The following FHOD3 variants were observed in gnomAD, a reference collection of about 807,000 sequenced individuals.
The protein encoded by FHOD3 is formin homology 2 domain containing 3.
In FHOD3, 90 loss-of-function variants were observed where a neutral mutation model predicts 173.0. That is an observed-to-expected ratio of 0.52 (90% CI 0.44 to 0.62). The LOEUF is 0.62. FHOD3 is among the 20% of genes least tolerant of loss of function. FHOD3 has a pLI of 0.00. For missense variants in FHOD3, 1,945 were observed against 2,034.7 expected, an observed-to-expected ratio of 0.96 and a Z score of 0.85; for synonymous variants, 828 against 823.0, an observed-to-expected ratio of 1.01 and a Z score of -0.10.
chr18:36,657,724 A>G (rs965769241), intron 13 of FHOD3, among the ~76,000 whole-genome samples: 81 of 152,368 alleles, frequency 5.3e-4, no homozygotes, highest in African/African-American at 1.9e-3. Context: ...CCACCATGTG[A>G]GGCAAGAAAA....
At chr18:36,489,356 A>T (rs946224653) in intron 3 of FHOD3, among the ~76,000 whole-genome samples, 6 of 152,132 alleles carry the variant, frequency 3.9e-5, no homozygotes, top group Non-Finnish European at 8.8e-5. Flanking sequence ...CAGGAGAGGG[A>T]TGCCCTGTTC....
Position 36,611,934 on chromosome 18 carries a change from G to T in FHOD3, c.814-18G>T. On this transcript the variant is annotated intron_variant, in intron 8 of 28. Coordinates refer to ENST00000590592, the MANE Select transcript of FHOD3 (RefSeq NM_001281740.3). ...GTCTTCTGTGGTGTCTCTGTAGCTG[G>T]TTCTTCTCTTCTTCCAGACGTTATC... 1 of 1,610,674 alleles carries T rather than the reference G, an allele frequency of 6.2e-7. No homozygotes were observed.
At chr18:36,667,534 C>T (rs995452620) in intron 14 of FHOD3, among the ~76,000 whole-genome samples, 2 of 152,144 alleles carry the variant, frequency 1.3e-5, no homozygotes, top group Admixed American at 1.3e-4. Flanking sequence ...GACTGCAAAC[C>T]TTGCAGCGTG....
intron 3 of FHOD3, among the ~76,000 whole-genome samples, chr18:36,449,679 C>A (rs2051708958): frequency 6.6e-6 from 1 of 152,134 alleles, no homozygotes; most frequent in Non-Finnish European, 1.5e-5. Context: ...GGCAAGAATT[C>A]TTGGAATTTA....
chr18:36,564,090 C>T (rs933468034), intron 5 of FHOD3, among the ~76,000 whole-genome samples: 1 of 151,958 alleles, frequency 6.6e-6, no homozygotes, highest in Non-Finnish European at 1.5e-5. Context: ...TCGGTGTCAC[C>T]CCAGGTGACA....
At chr18:36,628,834 C>G (rs1306044242) in intron 10 of FHOD3, among the ~76,000 whole-genome samples, 1 of 152,212 alleles carries the variant, frequency 6.6e-6, no homozygotes, top group African/African-American at 2.4e-5. Flanking sequence ...GGTACCCCAT[C>G]TGCCCTTGAA....
chr18:36,363,646 G>A (rs1160013317), intron 2 of FHOD3, among the ~76,000 whole-genome samples: 3 of 152,192 alleles, frequency 2.0e-5, no homozygotes, highest in Non-Finnish European at 4.4e-5. Context: ...GAGATTGGGA[G>A]ATGGGTAGGG....
intron 3 of FHOD3, among the ~76,000 whole-genome samples, chr18:36,433,790 CTG>C (rs1488897320): frequency 1.3e-5 from 2 of 152,052 alleles, no homozygotes; most frequent in Non-Finnish European, 2.9e-5. Context: ...TGTGCTGGTC[CTG>C]TGTTTTAGAA....
At chr18:36,575,279 A>G (rs2058607076) in intron 5 of FHOD3, among the ~76,000 whole-genome samples, 1 of 152,104 alleles carries the variant, frequency 6.6e-6, no homozygotes, top group Non-Finnish European at 1.5e-5. Context: ...CCACTAATGT[A>G]GTTTTCTTAT....
At chr18:36,774,718 C>T (rs1018995304) in intron 28 of FHOD3, among the ~76,000 whole-genome samples, 4 of 152,182 alleles carry the variant, frequency 2.6e-5, no homozygotes, top group Admixed American at 6.5e-5. Flanking sequence ...GACAATTTAG[C>T]AAAACCAGGA....
chr18:36,514,014 C>CTTTTTT lies in FHOD3; in HGVS notation c.511+1478_511+1483dup, dbSNP rs58493993. 7.1e-4 allele frequency among the ~76,000 whole-genome samples: 74 copies of CTTTTTT among 104,632 alleles called. 6 individuals carry two copies. The highest frequency in any genetic ancestry group is 1.1e-3 in the Non-Finnish European group (58 of 52,034). The allele number at this position is 104,632 out of a possible 152,430, so 68.6% of individuals were successfully genotyped here. ...ATTGCTGAATTTTGCTATTTCTATT[C>CTTTTTT]TTTTTTTTTTTTGAGATGGAGTCTT... On this transcript the variant is annotated intron_variant, in intron 5 of 28. Coordinates refer to ENST00000590592, the MANE Select transcript of FHOD3 (RefSeq NM_001281740.3).
At chr18:36,753,266 G>T (rs533804887) in intron 24 of FHOD3, among the ~76,000 whole-genome samples, 1 of 152,156 alleles carries the variant, frequency 6.6e-6, no homozygotes, top group Admixed American at 6.5e-5. Context: ...TCCCTCCAGG[G>T]CTCCTGCACA....
At chr18:36,298,872 T>C in intron 1 of FHOD3, among the ~76,000 whole-genome samples, 1 of 152,096 alleles carries the variant, frequency 6.6e-6, no homozygotes, top group Non-Finnish European at 1.5e-5. Context: ...ATCATTTCGT[T>C]ACCTAGGAAA....
rs375897005 is a variant in FHOD3, at chr18:36,718,208, G to A, written c.2910G>A (p.Val970=). ...PNDKVPETAP[V]QPKTESDYIW... Reference sequence around the variant, plus strand: ...ACAAGGTCCCAGAAACAGCGCCGGTGCAGCCGAAGACAGAGTCTGATTACA... The same window carrying A: ...ACAAGGTCCCAGAAACAGCGCCGGTACAGCCGAAGACAGAGTCTGATTACA... The change falls in exon 19 of 29, where the codon GTG becomes GTA. Residue 970 remains valine, a synonymous_variant. Coordinates refer to ENST00000590592, the MANE Select transcript of FHOD3 (RefSeq NM_001281740.3). 7 of 1,614,008 alleles carry A rather than the reference G, an allele frequency of 4.3e-6. No individual in the cohort carries two copies. In the African/African-American group the frequency reaches 5.3e-5, roughly 12 times the overall value.
At chr18:36,442,275 A>G (rs895615805) in intron 3 of FHOD3, among the ~76,000 whole-genome samples, 2 of 152,178 alleles carry the variant, frequency 1.3e-5, no homozygotes, top group Admixed American at 6.6e-5. Flanking sequence ...GGAGGCTAGC[A>G]GTTGATTTTT....
chr18:36,337,749 G>C (rs2045396618), intron 1 of FHOD3, among the ~76,000 whole-genome samples: 1 of 152,154 alleles, frequency 6.6e-6, no homozygotes. Flanking sequence ...GGAGTACAGG[G>C]ACCAGTCTTT....
chr18:36,487,204 A>G (rs1202261633), intron 3 of FHOD3, among the ~76,000 whole-genome samples: 2 of 152,238 alleles, frequency 1.3e-5, no homozygotes, highest in East Asian at 3.8e-4. Context: ...TGTATATTTC[A>G]GTTGATAAGC....
chr18:36,631,886 A>T (rs192238356), intron 10 of FHOD3, among the ~76,000 whole-genome samples: 2 of 152,348 alleles, frequency 1.3e-5, no homozygotes, highest in East Asian at 3.9e-4. Context: ...TATATTTTTC[A>T]TATCAATACA....
At chr18:36,627,275 G>A (rs1334605047) in intron 10 of FHOD3, among the ~76,000 whole-genome samples, 4 of 152,156 alleles carry the variant, frequency 2.6e-5, no homozygotes, top group Admixed American at 6.5e-5. Context: ...TAAAGCCACC[G>A]AAGATGCTGA....
Sources: allele counts gnomAD v4.1 joint callset (sites outside exome capture counted in the v4.1 genomes callset), GRCh38; gene constraint gnomAD v4.1.1; transcripts MANE v1.5; gene names NCBI Gene and HGNC (gene_info 2026-07-23, HGNC 2026-07-21).